Variants in AUTS2 observed in about 807,000 individuals in gnomAD.
AUTS2 encodes the protein activator of transcription and developmental regulator AUTS2, also known as autism susceptibility gene 2 protein.
Under a neutral mutation model 112.4 loss-of-function variants are expected in AUTS2, and 17 were observed. The ratio of observed to expected loss-of-function variants is 0.15; its 90% confidence interval spans 0.10 to 0.23. The LOEUF (loss-of-function observed/expected upper bound fraction) is 0.23, where lower values mean the gene tolerates loss of function less well. Among genes scored for constraint, AUTS2 ranks in the 10% least tolerant of loss-of-function variants. AUTS2 has a pLI of 1.00. For synonymous variants in AUTS2, 751 were observed against 702.7 expected (o/e 1.07, Z -1.09); for missense variants, 1,510 against 1,701.6 (o/e 0.89, Z 1.98).
chr7:69,622,309 T>C (rs771425869), intron 1 of AUTS2, among the ~76,000 whole-genome samples: 1 of 152,184 alleles, frequency 6.6e-6, no homozygotes, highest in Non-Finnish European at 1.5e-5. Flanking sequence ...CAAAATTCAG[T>C]TTACTAGGTG....
At chr7:69,814,769 C>T (rs114057298) in intron 1 of AUTS2, among the ~76,000 whole-genome samples, 2,943 of 152,288 alleles carry the variant, frequency 0.019, 82 homozygotes, top group South Asian at 0.063. Context: ...GGAGCGTGCA[C>T]GCTGGAGATG....
intron 2 of AUTS2, among the ~76,000 whole-genome samples, chr7:69,987,899 A>C (rs1798578573): frequency 6.6e-6 from 1 of 152,196 alleles, no homozygotes; most frequent in African/African-American, 2.4e-5. Flanking sequence ...GCCATTTCAA[A>C]CTTGAAAGGT....
chr7:69,646,157 A>G (rs1795011772), intron 1 of AUTS2, among the ~76,000 whole-genome samples: 2 of 151,870 alleles, frequency 1.3e-5, no homozygotes, highest in South Asian at 2.1e-4. Context: ...TTTTTAAACT[A>G]GTATAATACA....
intron 6 of AUTS2, among the ~76,000 whole-genome samples, chr7:70,753,907 C>T (rs375086190): frequency 1.2e-4 from 18 of 151,560 alleles, no homozygotes; most frequent in African/African-American, 3.2e-4. Context: ...CTGTAATCCC[C>T]GCACTTTGGG....
At chr7:70,018,098 A>G (rs1447691539) in intron 2 of AUTS2, among the ~76,000 whole-genome samples, 1 of 152,110 alleles carries the variant, frequency 6.6e-6, no homozygotes, top group African/African-American at 2.4e-5. Flanking sequence ...TAAGCCTGCC[A>G]TAGAAATGCA....
At chr7:70,449,197 A>C (rs1202708836) in intron 5 of AUTS2, among the ~76,000 whole-genome samples, 1 of 152,166 alleles carries the variant, frequency 6.6e-6, no homozygotes, top group African/African-American at 2.4e-5. Context: ...GTCTCTACTT[A>C]TTTTTGCCCG....
chr7:70,211,947 C>G (rs1295065216), intron 4 of AUTS2, among the ~76,000 whole-genome samples: 1 of 152,214 alleles, frequency 6.6e-6, no homozygotes, highest in Non-Finnish European at 1.5e-5. Flanking sequence ...GATCTCACCA[C>G]TGCACTCCAG....
chr7:70,224,283 C>G (rs1324086895), intron 4 of AUTS2, among the ~76,000 whole-genome samples: 1 of 151,910 alleles, frequency 6.6e-6, no homozygotes, highest in Non-Finnish European at 1.5e-5. Flanking sequence ...CCACTGCTAT[C>G]CAGAGTGAAG....
chr7:69,608,230 G>GT (rs1562755173), intron 1 of AUTS2, among the ~76,000 whole-genome samples: 1 of 152,128 alleles, frequency 6.6e-6, no homozygotes. Context: ...CACTGCACCC[G>GT]GCAAGAAATC....
Position 69,964,974 on chromosome 7 carries a change from C to T in AUTS2, c.522+65476C>T, listed in dbSNP as rs375272845. 2.0e-4 allele frequency among the ~76,000 whole-genome samples: 30 copies of T among 152,060 alleles called. 1 individual carries two copies. In the South Asian group the frequency reaches 5.8e-3, roughly 30 times the overall value. ...CCTCACCACCTTCCTTATTAGTACCCCCAGTTCCCTGAAGCTCTTGTCCTG... is the reference window on the plus strand; with the variant it reads ...CCTCACCACCTTCCTTATTAGTACCTCCAGTTCCCTGAAGCTCTTGTCCTG... On this transcript the variant is annotated intron_variant, in intron 2 of 18. Transcript: ENST00000342771.
At chr7:70,305,770 A>G (rs1360721063) in intron 4 of AUTS2, among the ~76,000 whole-genome samples, 1 of 152,176 alleles carries the variant, frequency 6.6e-6, no homozygotes, top group South Asian at 2.1e-4. Flanking sequence ...CAAGTTTCTA[A>G]TTTTCCATCA....
chr7:70,687,482 A>C (rs1045763842), intron 5 of AUTS2, among the ~76,000 whole-genome samples: 1 of 152,212 alleles, frequency 6.6e-6, no homozygotes, highest in Non-Finnish European at 1.5e-5. Flanking sequence ...ATTTTTTAAT[A>C]CTTTTTCCCC....
chr7:70,056,671 GC>G (rs1469706174), intron 2 of AUTS2, among the ~76,000 whole-genome samples: 1 of 152,154 alleles, frequency 6.6e-6, no homozygotes, highest in Non-Finnish European at 1.5e-5. Context: ...CTGCATTGAG[GC>G]CCTGAGCATG....
At chr7:70,350,995 A>G (rs1023226737) in intron 4 of AUTS2, among the ~76,000 whole-genome samples, 7 of 145,104 alleles carry the variant, frequency 4.8e-5, no homozygotes, top group African/African-American at 1.8e-4. Flanking sequence ...TGTCTGGCTT[A>G]TTTCACTTAT....
chr7:69,949,690 T>TACTC (rs1796952732), intron 2 of AUTS2, among the ~76,000 whole-genome samples: 2 of 152,194 alleles, frequency 1.3e-5, no homozygotes, highest in Admixed American at 6.5e-5. Context: ...AAGATCTGAG[T>TACTC]AGAATGTCAC....
chr7:70,352,096 C>G (rs10237685), intron 4 of AUTS2, among the ~76,000 whole-genome samples: 44,149 of 152,072 alleles, frequency 0.29, 6,730 homozygotes, highest in African/African-American at 0.38. Flanking sequence ...ATAACAATCT[C>G]TGACATAGAT....
chr7:69,705,945 C>G (rs1387965158), intron 1 of AUTS2, among the ~76,000 whole-genome samples: 1 of 152,028 alleles, frequency 6.6e-6, no homozygotes, highest in African/African-American at 2.4e-5. Context: ...TTAGAGCCCA[C>G]CATAAAGACC....
At chr7:70,552,325 G>A (rs1563035620) in intron 5 of AUTS2, among the ~76,000 whole-genome samples, 1 of 152,238 alleles carries the variant, frequency 6.6e-6, no homozygotes. Flanking sequence ...CTGTTTGCAT[G>A]TTTGTTTTCT....
chr7:70,074,287 A>G (rs905865180), intron 2 of AUTS2, among the ~76,000 whole-genome samples: 1 of 152,170 alleles, frequency 6.6e-6, no homozygotes, highest in Admixed American at 6.5e-5. Flanking sequence ...TCTGGCTAGA[A>G]ACTTTTCGAT....
Sources: gnomAD v4.1 joint callset for allele counts (sites outside exome capture counted in the v4.1 genomes callset) on GRCh38, gnomAD v4.1.1 for gene constraint, MANE v1.5 for transcripts, NCBI Gene and HGNC (gene_info 2026-07-23, HGNC 2026-07-21) for gene names.